The following DDHD2 variants were observed in gnomAD, a reference collection of about 807,000 sequenced individuals.
DDHD2 encodes triacylglycerol hydrolase DDHD2.
Under a neutral mutation model 91.2 loss-of-function variants are expected in DDHD2, and 62 were observed. The observed-to-expected ratio is 0.68, with a 90% CI of 0.55 to 0.84. The LOEUF is 0.84. DDHD2 is among the 40% of genes least tolerant of loss of function. The probability of loss-of-function intolerance (pLI) is 0.00; values close to 1 mark genes in which losing one functional copy is unlikely to be tolerated. For synonymous variants in DDHD2, 271 were observed against 293.9 expected (o/e 0.92, Z 0.80); for missense variants, 740 against 846.9 (o/e 0.87, Z 1.57).
chr8:38,240,317 G>A lies in DDHD2; in HGVS notation c.665G>A (p.Gly222Glu). 6.2e-7 allele frequency: 1 copy of A among 1,610,024 alleles called. No homozygotes were observed. The highest frequency in any genetic ancestry group is 8.5e-7 in the Non-Finnish European group (1 of 1,177,102). The change falls in exon 6 of 18, where the codon GGG (glycine) becomes GAG (glutamate). Residue 222 changes from glycine (G) to glutamate (E), a missense_variant. Coordinates refer to ENST00000397166, the MANE Select transcript of DDHD2 (RefSeq NM_015214.3). ...QIDHLVFVVH[G>E]IGPACDLRFR... ...GATCACTTGGTTTTTGTAGTCCATGGGATTGGACCAGCTTGTGATCTCCGC... is the reference window on the plus strand; with the variant it reads ...GATCACTTGGTTTTTGTAGTCCATGAGATTGGACCAGCTTGTGATCTCCGC...
At position 38,244,434 on chromosome 8, in the gene DDHD2, C is replaced by T. The variant is rs188616676; in HGVS notation, c.849-1308C>T. 6.7e-4 allele frequency among the ~76,000 whole-genome samples: 100 copies of T among 148,806 alleles called. 1 individual carries two copies. Among genetic ancestry groups the T allele is most frequent in the Admixed American group, 5.5e-3 (82 of 14,808 alleles). ...TGCGCCACAATGCCCAGCTAATTTT[C>T]GTATTTCTTAGTAGAGACAGGGTTT... On this transcript the variant is annotated intron_variant, in intron 7 of 17. Transcript: ENST00000397166.
chr8:38,253,868 T>A lies in DDHD2; in HGVS notation c.2054+150T>A, dbSNP rs1281443569. On this transcript the variant is annotated intron_variant, in intron 16 of 17. Coordinates refer to ENST00000397166, the MANE Select transcript of DDHD2 (RefSeq NM_015214.3). The stretch of plus-strand genomic sequence containing the variant: ...GCCAAGGTGGGAGGATTGCTTGAGT[T>A]CAGGAGTTTGAGACCGGCCTGGGAA... 4.3e-5 allele frequency: 33 copies of A among 770,644 alleles called. No individual in the cohort carries two copies. The East Asian group carries it at 8.2e-4, about 19-fold the overall frequency. The allele number at this position is 770,644 out of a possible 1,614,324, so 47.7% of individuals were successfully genotyped here. A position where few individuals can be genotyped will look rare whatever the true frequency, so the allele number is the denominator to read the frequency against.
At chr8:38,264,841 A>G, downstream of DDHD2, 2 of 1,594,142 alleles carry the variant, frequency 1.3e-6, no homozygotes, top group Non-Finnish European at 1.7e-6. Flanking sequence ...TTAAGTAAGT[A>G]TAATAAGCTT....
At chr8:38,264,313 TGTATTTTTA>T (rs1260425998), downstream of DDHD2, 25 of 812,840 alleles carry the variant, frequency 3.1e-5, no homozygotes, top group Non-Finnish European at 4.4e-5. Context: ...GGCTAATTTT[TGTATTTTTA>T]GTAGAGACAG....
At chr8:38,269,220 A>G (rs1366031434) in intron 1 of DDHD2, 13 of 1,486,066 alleles carry the variant, frequency 8.7e-6, no homozygotes, top group South Asian at 1.3e-5. Context: ...GCTCCGAGCG[A>G]CGCTGCGCTG....
chr8:38,253,062 T>TA lies in DDHD2; in HGVS notation c.1827dup (p.Gln610ThrfsTer10). 3 of 1,614,160 alleles carry TA rather than the reference T, an allele frequency of 1.9e-6. No individual in the cohort carries two copies. The highest frequency in any genetic ancestry group is 2.5e-6 in the Non-Finnish European group (3 of 1,180,026). ...TTTACCAGAGCTCCATACCCTGCCT[T>TA]ACAAGCTTCAGAAACACCAGAAGAA... On this transcript the variant is annotated frameshift_variant, in exon 15 of 18. Transcript: ENST00000397166. LOFTEE classifies it high-confidence loss of function.
At chr8:38,232,882 G>T (rs1804396581) in intron 1 of DDHD2, 105 bp from the exon 2 acceptor site, 1 of 678,982 alleles carries the variant, frequency 1.5e-6, no homozygotes. Context: ...TGTTGTTGTT[G>T]TTGTTGCAGA....
chr8:38,241,331 T>TA (rs916175545), intron 6 of DDHD2, among the ~76,000 whole-genome samples: 49 of 149,370 alleles, frequency 3.3e-4, no homozygotes, highest in Middle Eastern at 3.4e-3. Flanking sequence ...GTCATGTGAT[T>TA]AAAAAAAAAA....
chr8:38,253,976 T>A (rs1400417038), intron 16 of DDHD2, among the ~76,000 whole-genome samples: 1 of 151,398 alleles, frequency 6.6e-6, no homozygotes, highest in Non-Finnish European at 1.5e-5. Flanking sequence ...CTTGGGAGGC[T>A]GAGGCAGGAG....
chr8:38,264,079 C>G, downstream of DDHD2: 2 of 990,660 alleles, frequency 2.0e-6, no homozygotes, highest in Non-Finnish European at 2.4e-6. Context: ...GAAAAAAAGG[C>G]TAGAATTTCT....
Position 38,252,146 on chromosome 8 carries a change from C to G in DDHD2, c.1476C>G (p.Tyr492Ter). The change falls in exon 13 of 18, where the codon TAC (tyrosine) becomes TAG (stop). Residue 492 changes from tyrosine (Y) to a stop codon, truncating the protein, a stop_gained. Coordinates refer to ENST00000397166, the MANE Select transcript of DDHD2 (RefSeq NM_015214.3). LOFTEE classifies it high-confidence loss of function. ...CCTCCTTTGAGGTGTCTGTGAAATA[C>G]CCCCGGCTCATCTATAAACCAGAGA... Reference protein sequence around the residue: ...DVGIGQVSVKYPRLIYKPEIF... With the variant: ...DVGIGQVSVK 6.2e-7 allele frequency: 1 copy of G among 1,613,886 alleles called. No individual in the cohort carries two copies. Among genetic ancestry groups the G allele is most frequent in the Non-Finnish European group, 8.5e-7 (1 of 1,179,928 alleles).
intron 16 of DDHD2, among the ~76,000 whole-genome samples, chr8:38,257,180 C>T (rs1013326108): frequency 1.3e-5 from 2 of 151,332 alleles, no homozygotes; most frequent in African/African-American, 4.9e-5. Context: ...GTGATCCTCC[C>T]ACTTGGCTTC....
In DDHD2 at chr8:38,269,265, A is replaced by C. The variant is rs1056857480; in HGVS notation, n.88-1857A>C. The stretch of plus-strand genomic sequence containing the variant: ...CCTCCGCGGGGAGGGCCGGGCCGGG[A>C]ACTGGGCACCGCCCCCTCTCCCAGT... On this transcript the variant is annotated intron_variant and non_coding_transcript_variant, in intron 1 of 1. Coordinates refer to the DDHD2 transcript ENST00000526071. 10 of 1,355,644 alleles carry C rather than the reference A, an allele frequency of 7.4e-6. No individual in the cohort carries two copies. The African/African-American group carries it at 1.1e-4, about 15-fold the overall frequency. 84.0% of individuals were successfully genotyped at this position (1,355,644 alleles called of 1,614,324 possible). A position where few individuals can be genotyped will look rare whatever the true frequency, so the allele number is the denominator to read the frequency against.
At chr8:38,266,029 C>G, downstream of DDHD2, 1 of 942,538 alleles carries the variant, frequency 1.1e-6, no homozygotes, top group Non-Finnish European at 1.6e-6. Flanking sequence ...ACCATCCATA[C>G]TCATTAATTT....
chr8:38,241,384 CT>C (rs1053247068), intron 6 of DDHD2, among the ~76,000 whole-genome samples: 3 of 149,754 alleles, frequency 2.0e-5, no homozygotes, highest in South Asian at 2.1e-4. Flanking sequence ...GTTTAGCTTT[CT>C]TTTTTTTTCC....
At chr8:38,239,373 CAAAAAA>C (rs529440876) in intron 5 of DDHD2, among the ~76,000 whole-genome samples, 1 of 51,582 alleles carries the variant, frequency 1.9e-5, no homozygotes, top group African/African-American at 7.6e-5. Flanking sequence ...GACTCTGTCT[CAAAAAA>C]AAAAAAAAAA....
In DDHD2 at chr8:38,251,892, A is replaced by C; in HGVS notation, c.1345-20A>C. 6.3e-7 allele frequency: 1 copy of C among 1,581,456 alleles called. No individual in the cohort carries two copies. ...GCCGTCATGCCCAGCTTCTCCACATAACTATTTTTTATTCTTTAGGGTATT... is the reference window on the plus strand; with the variant it reads ...GCCGTCATGCCCAGCTTCTCCACATCACTATTTTTTATTCTTTAGGGTATT... On this transcript the variant is annotated intron_variant, in intron 11 of 17. Transcript: ENST00000397166.
At chr8:38,269,237 C>A in intron 1 of DDHD2, 1 of 1,434,338 alleles carries the variant, frequency 7.0e-7, no homozygotes, top group Non-Finnish European at 9.1e-7. Flanking sequence ...GCTGACGTGG[C>A]CACCTCCGCG....
At chr8:38,232,616 T>G (rs1804369488) in intron 1 of DDHD2, among the ~76,000 whole-genome samples, 1 of 152,244 alleles carries the variant, frequency 6.6e-6, no homozygotes, top group Admixed American at 6.5e-5. Flanking sequence ...CCAGCTGACT[T>G]GGAGTAAATT....
Sources: gnomAD v4.1 joint callset for allele counts (sites outside exome capture counted in the v4.1 genomes callset) on GRCh38, gnomAD v4.1.1 for gene constraint, MANE v1.5 for transcripts, NCBI Gene and HGNC (gene_info 2026-07-23, HGNC 2026-07-21) for gene names.